The following GLIS3 variants were observed in gnomAD, a reference collection of about 807,000 sequenced individuals.
The protein encoded by GLIS3 is zinc finger protein GLIS3.
In GLIS3, 53 loss-of-function variants were observed where a neutral mutation model predicts 78.6. The observed-to-expected ratio is 0.67, with a 90% CI of 0.54 to 0.85. GLIS3 has a LOEUF of 0.85. GLIS3 is among the 40% of genes least tolerant of loss of function. GLIS3 has a pLI of 0.00. For synonymous variants in GLIS3, 684 were observed against 509.9 expected (o/e 1.34, Z -4.60); for missense variants, 1,703 against 1,231.1 (o/e 1.38, Z -5.74).
chr9:4,241,252 G>A (rs1043502051), intron 2 of GLIS3, among the ~76,000 whole-genome samples: 1 of 152,118 alleles, frequency 6.6e-6, no homozygotes, highest in Non-Finnish European at 1.5e-5. Context: ...GCAAAAGATG[G>A]TGTCTCCCAA....
At chr9:4,146,845 T>C (rs1452404943) in intron 2 of GLIS3, among the ~76,000 whole-genome samples, 1 of 152,246 alleles carries the variant, frequency 6.6e-6, no homozygotes, top group African/African-American at 2.4e-5. Context: ...GAGCTATTCA[T>C]TTAAAACAGG....
the GLIS3 span, among the ~76,000 whole-genome samples, chr9:4,459,609 T>C: frequency 6.6e-6 from 1 of 151,938 alleles, no homozygotes; most frequent in African/African-American, 2.4e-5. Flanking sequence ...AGAAAAAATT[T>C]TAAAAATTAG....
chr9:4,270,765 G>T (rs1826424780), intron 2 of GLIS3, among the ~76,000 whole-genome samples: 1 of 152,206 alleles, frequency 6.6e-6, no homozygotes, highest in Admixed American at 6.5e-5. Flanking sequence ...GCCTCAGGCT[G>T]GAACGATACC....
At chr9:4,209,956 C>T (rs1259466889) in intron 2 of GLIS3, among the ~76,000 whole-genome samples, 2 of 152,146 alleles carry the variant, frequency 1.3e-5, no homozygotes, top group African/African-American at 2.4e-5. Flanking sequence ...TCCCCTCATC[C>T]GTAATGTTTT....
intron 2 of GLIS3, among the ~76,000 whole-genome samples, chr9:4,195,963 CCT>C (rs1563736531): frequency 6.6e-6 from 1 of 151,688 alleles, no homozygotes; most frequent in Non-Finnish European, 1.5e-5. Context: ...CAATCAGCAC[CCT>C]GTGTCTAGGT....
chr9:4,462,987 G>T, the GLIS3 span, among the ~76,000 whole-genome samples: 2 of 152,136 alleles, frequency 1.3e-5, no homozygotes, highest in Admixed American at 1.3e-4. Flanking sequence ...ATTCTCTGGG[G>T]GAAATCCATG....
At chr9:3,930,542 A>G (rs1401326648) in intron 6 of GLIS3, among the ~76,000 whole-genome samples, 3 of 152,248 alleles carry the variant, frequency 2.0e-5, no homozygotes, top group African/African-American at 4.8e-5. Context: ...CAGAGGTTGA[A>G]ACACAACAAA....
chr9:4,264,269 C>G (rs1395390195), intron 2 of GLIS3, among the ~76,000 whole-genome samples: 1 of 152,122 alleles, frequency 6.6e-6, no homozygotes, highest in Non-Finnish European at 1.5e-5. Flanking sequence ...GTCCCATTGG[C>G]TCTACCTTCA....
chr9:3,916,585 A>C (rs1824529753), intron 6 of GLIS3, among the ~76,000 whole-genome samples: 1 of 152,238 alleles, frequency 6.6e-6, no homozygotes, highest in Admixed American at 6.5e-5. Context: ...CATCCCTTTC[A>C]GAGAAAAATT....
chr9:4,283,958 G>C (rs895893719), intron 2 of GLIS3, among the ~76,000 whole-genome samples: 1 of 152,182 alleles, frequency 6.6e-6, no homozygotes, highest in East Asian at 1.9e-4. Context: ...AGCTGAGCAA[G>C]GAAACAAAAA....
the GLIS3 span, among the ~76,000 whole-genome samples, chr9:4,381,128 G>C: frequency 1.3e-5 from 2 of 152,090 alleles, no homozygotes; most frequent in African/African-American, 4.8e-5. Context: ...AAGTAAGTGA[G>C]AAAACAGTAA....
At chr9:4,255,949 T>A (rs1824894366) in intron 2 of GLIS3, among the ~76,000 whole-genome samples, 1 of 152,192 alleles carries the variant, frequency 6.6e-6, no homozygotes, top group South Asian at 2.1e-4. Context: ...ATGCTATGTA[T>A]ATATGCGTGC....
the GLIS3 span, among the ~76,000 whole-genome samples, chr9:4,384,011 TGTGCCATTGGCTGCCAATCA>T: frequency 1.3e-5 from 2 of 152,220 alleles, no homozygotes; most frequent in African/African-American, 4.8e-5. Context: ...AGGGAGTTTG[TGTGCCATTGGCTGCCAATCA>T]GTCATGTCAT....
intron 1 of GLIS3, among the ~76,000 whole-genome samples, chr9:4,297,633 T>C (rs2130451581): frequency 6.6e-6 from 1 of 152,328 alleles, no homozygotes; most frequent in South Asian, 2.1e-4. Flanking sequence ...CCACGAGTCC[T>C]GTCTCTACGG....
At chr9:4,099,053 T>C (rs1177154652) in intron 4 of GLIS3, among the ~76,000 whole-genome samples, 1 of 152,144 alleles carries the variant, frequency 6.6e-6, no homozygotes, top group African/African-American at 2.4e-5. Flanking sequence ...CAAAGTGCAA[T>C]GTCCCACAGC....
the GLIS3 span, among the ~76,000 whole-genome samples, chr9:4,441,693 G>C: frequency 6.6e-6 from 1 of 151,990 alleles, no homozygotes; most frequent in Non-Finnish European, 1.5e-5. Flanking sequence ...TACAACCTCT[G>C]CCTCTCGGGT....
intron 2 of GLIS3, 58 bp downstream of exon 2, chr9:4,285,980 G>A (rs1827953762): frequency 6.3e-7 from 1 of 1,598,916 alleles, no homozygotes; most frequent in Non-Finnish European, 8.6e-7. Flanking sequence ...GCAGAAAATG[G>A]GATGGGGGAG....
intron 2 of GLIS3, among the ~76,000 whole-genome samples, chr9:4,161,344 T>C (rs1306545603): frequency 6.6e-6 from 1 of 152,108 alleles, no homozygotes; most frequent in Non-Finnish European, 1.5e-5. Context: ...TTTAATCAAT[T>C]AGAAAATTTC....
chr9:4,146,567 C>T (rs1014734901), intron 2 of GLIS3, among the ~76,000 whole-genome samples: 5 of 152,112 alleles, frequency 3.3e-5, no homozygotes, highest in African/African-American at 1.2e-4. Context: ...TATGTGCTCA[C>T]AAATACATAA....
Sources: allele counts gnomAD v4.1 joint callset (sites outside exome capture counted in the v4.1 genomes callset), GRCh38; gene constraint gnomAD v4.1.1; transcripts MANE v1.5; gene names NCBI Gene and HGNC (gene_info 2026-07-23, HGNC 2026-07-21).